ANK2: variants seen among roughly 807,000 people sequenced by gnomAD.
The protein encoded by ANK2 is ankyrin 2.
A neutral mutation model predicts 360.5 loss-of-function variants in ANK2; 83 were observed. The ratio of observed to expected loss-of-function variants is 0.23; its 90% CI spans 0.19 to 0.28. The LOEUF (loss-of-function observed/expected upper bound fraction) is 0.28. Among genes scored for constraint, ANK2 ranks in the 10% least tolerant of loss-of-function variants. The pLI is 1.00. For synonymous variants in ANK2, 1,740 were observed against 1,759.5 expected (o/e 0.99, Z 0.28); for missense variants, 4,201 against 4,795.7 (o/e 0.88, Z 3.66).
chr4:112,842,302 G>A (rs1040408781), intron 1 of ANK2, among the ~76,000 whole-genome samples: 3 of 152,150 alleles, frequency 2.0e-5, no homozygotes, highest in African/African-American at 7.2e-5. Flanking sequence ...GAGCTACCAC[G>A]CCCGGCCCAA....
At chr4:112,836,049 A>T (rs778457653) in intron 1 of ANK2, among the ~76,000 whole-genome samples, 1 of 152,064 alleles carries the variant, frequency 6.6e-6, no homozygotes, top group Non-Finnish European at 1.5e-5. Context: ...CTATCCTGGG[A>T]GGCTGATATG....
chr4:113,125,491 T>C (rs1478901804), intron 1 of ANK2, among the ~76,000 whole-genome samples: 1 of 152,146 alleles, frequency 6.6e-6, no homozygotes, highest in Non-Finnish European at 1.5e-5. Context: ...TTATACAAAA[T>C]TACCAGATAC....
intron 2 of ANK2, among the ~76,000 whole-genome samples, chr4:113,019,256 G>A (rs568956417): frequency 6.6e-6 from 1 of 152,186 alleles, no homozygotes; most frequent in African/African-American, 2.4e-5. Flanking sequence ...CTACACATAG[G>A]ATGAAATGGA....
chr4:113,049,665 G>C lies in ANK2; in HGVS notation c.-64G>C. Reference sequence around the variant, plus strand: ...GCTTTCCTCCAGTAAGTGCATACCCGCTAGTGGTCTGTACAGGCGGCACGG... The same window carrying C: ...GCTTTCCTCCAGTAAGTGCATACCCCCTAGTGGTCTGTACAGGCGGCACGG... On this transcript the variant is annotated 5_prime_UTR_variant, in exon 1 of 46. Coordinates refer to ENST00000357077, the MANE Select transcript of ANK2 (RefSeq NM_001148.6). 7 of 1,400,908 alleles carry C rather than the reference G, an allele frequency of 5.0e-6. No homozygotes were observed. Among genetic ancestry groups the C allele is most frequent in the East Asian group, 7.5e-5 (2 of 26,698 alleles). 86.8% of individuals were successfully genotyped at this position (1,400,908 alleles called of 1,614,324 possible).
At chr4:113,010,996 T>A (rs1370439082) in intron 2 of ANK2, among the ~76,000 whole-genome samples, 1 of 152,124 alleles carries the variant, frequency 6.6e-6, no homozygotes, top group Non-Finnish European at 1.5e-5. Context: ...AGAAAATGAC[T>A]ATGACTAGCC....
At chr4:113,080,045 C>T (rs1016734921) in intron 1 of ANK2, among the ~76,000 whole-genome samples, 1 of 151,972 alleles carries the variant, frequency 6.6e-6, no homozygotes, top group East Asian at 1.9e-4. Flanking sequence ...ACTAGAGGCA[C>T]CTGACACCAC....
chr4:112,776,333 C>T, the ANK2 span, among the ~76,000 whole-genome samples: 1 of 152,122 alleles, frequency 6.6e-6, no homozygotes, highest in African/African-American at 2.4e-5. Flanking sequence ...CTGAATTGGA[C>T]AAAGAGCAGT....
intron 2 of ANK2, among the ~76,000 whole-genome samples, chr4:113,002,640 C>T (rs2051220633): frequency 6.6e-6 from 1 of 152,200 alleles, no homozygotes; most frequent in Non-Finnish European, 1.5e-5. Flanking sequence ...TCATTTCCTA[C>T]CTTGAAAATT....
chr4:112,836,375 G>A (rs2060992088), intron 1 of ANK2, among the ~76,000 whole-genome samples: 1 of 152,164 alleles, frequency 6.6e-6, no homozygotes. Flanking sequence ...CTTTATAGCA[G>A]TGTGAGAAAG....
chr4:113,216,034 A>G (rs917713420), intron 4 of ANK2, among the ~76,000 whole-genome samples: 3 of 152,130 alleles, frequency 2.0e-5, no homozygotes, highest in African/African-American at 2.4e-5. Flanking sequence ...TTTTTTCCCA[A>G]CTGTTAAATC....
At chr4:113,230,708 A>G (rs890000871) in intron 4 of ANK2, among the ~76,000 whole-genome samples, 28 of 152,200 alleles carry the variant, frequency 1.8e-4, no homozygotes, top group Non-Finnish European at 3.2e-4. Context: ...GAGACATTAC[A>G]TATTCCTAAG....
At chr4:112,736,160 T>A in the ANK2 span, among the ~76,000 whole-genome samples, 1 of 152,070 alleles carries the variant, frequency 6.6e-6, no homozygotes, top group Non-Finnish European at 1.5e-5. Context: ...ATCTTAAATT[T>A]AAATTAAAAA....
chr4:113,012,286 G>C (rs1329326146), intron 2 of ANK2, among the ~76,000 whole-genome samples: 1 of 152,118 alleles, frequency 6.6e-6, no homozygotes, highest in African/African-American at 2.4e-5. Flanking sequence ...ACAGATTTCT[G>C]AGCTGTAATT....
At chr4:112,850,502 G>GTTTTTTTTTTTTTTTTT (rs1211226104) in intron 1 of ANK2, among the ~76,000 whole-genome samples, 1 of 16,432 alleles carries the variant, frequency 6.1e-5, no homozygotes, top group African/African-American at 2.8e-4. Flanking sequence ...TCCTGTGCTA[G>GTTTTTTTTTTTTTTTTT]TCTTTTTTTT....
chr4:113,147,833 CA>C (rs774845573), intron 1 of ANK2, among the ~76,000 whole-genome samples: 1 of 152,092 alleles, frequency 6.6e-6, no homozygotes, highest in Non-Finnish European at 1.5e-5. Context: ...TTGGCAGCTC[CA>C]AAAAAGAGGA....
chr4:112,790,366 A>T, the ANK2 span, among the ~76,000 whole-genome samples: 28 of 152,324 alleles, frequency 1.8e-4, no homozygotes, highest in Admixed American at 1.4e-3. Context: ...GGCTCCAACC[A>T]ATTAATCCTG....
the ANK2 span, among the ~76,000 whole-genome samples, chr4:112,706,514 T>G: frequency 6.6e-6 from 1 of 151,146 alleles, no homozygotes; most frequent in African/African-American, 2.4e-5. Context: ...CGCAAACTCA[T>G]CCCTCCCACC....
At chr4:113,271,157 G>T (rs925938248) in intron 14 of ANK2, among the ~76,000 whole-genome samples, 1 of 152,194 alleles carries the variant, frequency 6.6e-6, no homozygotes, top group Non-Finnish European at 1.5e-5. Context: ...CACTTCAAAT[G>T]TAAAGAGAGC....
chr4:113,382,304 T>C lies in ANK2; in HGVS notation c.*833T>C, dbSNP rs2097185290. 1 of 154,078 alleles carries C rather than the reference T, an allele frequency of 6.5e-6. No individual in the cohort carries two copies. The highest frequency in any genetic ancestry group is 1.4e-5 in the Non-Finnish European group (1 of 69,022). 9.5% of individuals were successfully genotyped at this position (154,078 alleles called of 1,614,324 possible). On this transcript the variant is annotated 3_prime_UTR_variant, in exon 46 of 46. Transcript: ENST00000357077. ...AGTTATTGCTGGTGCTGGCCAGCCA[T>C]GGCTTAGGACTCCAACAGCCACTCT...
Sources: gnomAD v4.1 joint callset for allele counts (sites outside exome capture counted in the v4.1 genomes callset) on GRCh38, gnomAD v4.1.1 for gene constraint, MANE v1.5 for transcripts, NCBI Gene and HGNC (gene_info 2026-07-23, HGNC 2026-07-21) for gene names.